Variants in BCL11A observed in about 807,000 individuals in gnomAD.
BCL11A encodes the protein B cell CLL/lymphoma 11A.
In BCL11A, 2 loss-of-function variants were observed where a neutral mutation model predicts 55.9. The observed-to-expected ratio is 0.04, with a 90% CI of 0.01 to 0.11. The LOEUF is 0.11. Among genes scored for constraint, BCL11A ranks in the 10% least tolerant of loss-of-function variants. The pLI, the probability that BCL11A is intolerant of heterozygous loss-of-function variation, is 1.00. For synonymous variants in BCL11A, 465 were observed against 473.4 expected (o/e 0.98, Z 0.23); for missense variants, 817 against 1,137.1 (o/e 0.72, Z 4.05).
At chr2:60,528,043 T>C (rs574064018) in intron 2 of BCL11A, 1 of 152,348 alleles carries the variant, frequency 6.6e-6, no homozygotes, top group Non-Finnish European at 1.5e-5. Context: ...GTTTCCAGCA[T>C]GCCTTCCGGA....
chr2:60,513,435 G>A (rs373632230), intron 2 of BCL11A, among the ~76,000 whole-genome samples: 18 of 152,140 alleles, frequency 1.2e-4, no homozygotes, highest in African/African-American at 3.6e-4. Flanking sequence ...AGAAACCAGC[G>A]CCCAGATCCC....
chr2:60,543,900 G>C (rs759678075), intron 2 of BCL11A: 2 of 151,976 alleles, frequency 1.3e-5, no homozygotes, highest in African/African-American at 4.8e-5. Flanking sequence ...TTTGGTTTTG[G>C]CTTCTCTAGG....
intron 2 of BCL11A, among the ~76,000 whole-genome samples, chr2:60,480,278 C>T (rs2104162019): frequency 6.6e-6 from 1 of 152,344 alleles, no homozygotes; most frequent in East Asian, 1.9e-4. Context: ...ATCCAAGTCT[C>T]CCTGTAATCA....
In BCL11A at chr2:60,459,373, A is replaced by G. The variant is rs1332016847; in HGVS notation, c.*1031T>C. On this transcript the variant is annotated 3_prime_UTR_variant, in exon 4 of 4. Transcript: ENST00000642384. Reference sequence around the variant, plus strand: ...AGGGCTTTTGCACATTACACATTCAATTTAATCATTGTTTAAAAAAAATAA... The same window carrying G: ...AGGGCTTTTGCACATTACACATTCAGTTTAATCATTGTTTAAAAAAAATAA... 2.9e-6 allele frequency: 3 copies of G among 1,019,766 alleles called. No homozygotes were observed. The African/African-American group carries it at 5.1e-5, about 17-fold the overall frequency. 63.2% of individuals were successfully genotyped at this position (1,019,766 alleles called of 1,614,324 possible). A position where few individuals can be genotyped will look rare whatever the true frequency, so the allele number is the denominator to read the frequency against.
At chr2:60,483,937 C>T (rs967530007) in intron 2 of BCL11A, 2 of 150,120 alleles carry the variant, frequency 1.3e-5, no homozygotes, top group Non-Finnish European at 3.0e-5. Context: ...ATGAGTTGGT[C>T]TCATAGCTTC....
intron 2 of BCL11A, among the ~76,000 whole-genome samples, chr2:60,480,213 C>T (rs1051092642): frequency 6.6e-6 from 1 of 152,154 alleles, no homozygotes; most frequent in Non-Finnish European, 1.5e-5. Flanking sequence ...AACACAAAGG[C>T]CTGTAAAGGA....
chr2:60,507,576 T>C (rs1268619249), intron 2 of BCL11A, among the ~76,000 whole-genome samples: 2 of 152,114 alleles, frequency 1.3e-5, no homozygotes, highest in Non-Finnish European at 2.9e-5. Context: ...GGAAGAACTG[T>C]TTCCACATGC....
intron 1 of BCL11A, among the ~76,000 whole-genome samples, chr2:60,552,887 CG>C (rs35121023): frequency 0.63 from 94,362 of 150,480 alleles, 30,357 homozygotes; most frequent in Middle Eastern, 0.77. Flanking sequence ...GCAAAACTGG[CG>C]GGGCGGGGGG....
At chr2:60,533,400 T>C (rs1212070234) in intron 2 of BCL11A, 3 of 152,220 alleles carry the variant, frequency 2.0e-5, no homozygotes, top group Non-Finnish European at 2.9e-5. Flanking sequence ...GAGAGATTTA[T>C]ACACTGGCTT....
chr2:60,461,898 A>G lies in BCL11A; in HGVS notation c.1014T>C (p.Pro338=). 1 of 1,614,106 alleles carries G rather than the reference A, an allele frequency of 6.2e-7. No individual in the cohort carries two copies. Among genetic ancestry groups the G allele is most frequent in the Non-Finnish European group, 8.5e-7 (1 of 1,179,976 alleles). Residue 338 remains proline, a synonymous_variant, in exon 4 of 4, where the codon CCT becomes CCC. Coordinates refer to ENST00000642384, the MANE Select transcript of BCL11A (RefSeq NM_022893.4). ...GGAATGGTTGCAGTAACCTTTGCAT[A>G]GGGCTGGGCCGGCCTGGGGACAGCG... is the stretch of plus-strand genomic sequence containing the variant. The part of the protein sequence containing the change: ...SPPLSPGRPS[P]MQRLLQPFQP...
At chr2:60,503,919 GA>G (rs1450199881) in intron 2 of BCL11A, among the ~76,000 whole-genome samples, 5 of 151,778 alleles carry the variant, frequency 3.3e-5, no homozygotes, top group African/African-American at 4.8e-5. Flanking sequence ...GTTGATTCTA[GA>G]AAAAAAAGAA....
chr2:60,481,008 C>T, intron 2 of BCL11A, among the ~76,000 whole-genome samples: 1 of 152,170 alleles, frequency 6.6e-6, no homozygotes, highest in East Asian at 1.9e-4. Flanking sequence ...AGGGGCATTA[C>T]AGGCTGGCTG....
rs1463253270 is a variant in BCL11A, at chr2:60,458,484, T to G, written c.*1920A>C. ...GTTTTGTACAAAAAAATCCTTGCAC[T>G]GTAGAAGCGAAAGCAATCATTCATT... On this transcript the variant is annotated 3_prime_UTR_variant, in exon 4 of 4. Coordinates refer to ENST00000642384, the MANE Select transcript of BCL11A (RefSeq NM_022893.4). The G allele has an allele frequency of 1.9e-6, 2 of 1,031,102 alleles. No individual in the cohort carries two copies. Among genetic ancestry groups the G allele is most frequent in the African/African-American group, 1.7e-5 (1 of 59,218 alleles). The allele number at this position is 1,031,102 out of a possible 1,614,324, so 63.9% of individuals were successfully genotyped here.
intron 2 of BCL11A, among the ~76,000 whole-genome samples, chr2:60,517,893 T>G (rs907337961): frequency 6.6e-6 from 1 of 152,268 alleles, no homozygotes; most frequent in African/African-American, 2.4e-5. Context: ...AGAGCTGTGC[T>G]TTCTTCTATG....
In BCL11A at chr2:60,468,963, G is replaced by A. The variant is rs1442962848; in HGVS notation, c.386-130C>T. On this transcript the variant is annotated intron_variant, in intron 2 of 3. Coordinates refer to ENST00000642384, the MANE Select transcript of BCL11A (RefSeq NM_022893.4). ...ACAACAGCCTTGCAGATAGTTAACAGGCCCAAGGCCTGAAACAAAAGAAGA... is the reference window on the plus strand; with the variant it reads ...ACAACAGCCTTGCAGATAGTTAACAAGCCCAAGGCCTGAAACAAAAGAAGA... 8.3e-6 allele frequency: 5 copies of A among 599,640 alleles called. No individual in the cohort carries two copies. The African/African-American group carries it at 9.9e-5, about 12-fold the overall frequency. The allele number at this position is 599,640 out of a possible 1,614,324, so 37.1% of individuals were successfully genotyped here.
intron 1 of BCL11A, among the ~76,000 whole-genome samples, chr2:60,548,439 T>C (rs944220775): frequency 6.6e-6 from 1 of 152,098 alleles, no homozygotes; most frequent in Non-Finnish European, 1.5e-5. Context: ...AAAGGTAATG[T>C]GGTTCAAAAC....
At chr2:60,536,959 A>G (rs1669694200) in intron 2 of BCL11A, 1 of 152,232 alleles carries the variant, frequency 6.6e-6, no homozygotes, top group South Asian at 2.1e-4. Flanking sequence ...TATTGTACAA[A>G]CAAGTACGTG....
intron 3 of BCL11A, among the ~76,000 whole-genome samples, chr2:60,463,934 A>T (rs961344328): frequency 2.0e-5 from 3 of 152,140 alleles, no homozygotes; most frequent in Non-Finnish European, 4.4e-5. Flanking sequence ...AAAAAAAAAA[A>T]AATCTACCAG....
At chr2:60,505,934 G>C (rs1462774480) in intron 2 of BCL11A, among the ~76,000 whole-genome samples, 1 of 152,204 alleles carries the variant, frequency 6.6e-6, no homozygotes, top group Non-Finnish European at 1.5e-5. Context: ...GCCCCACCTG[G>C]TTCGTCTGCC....
Sources: gnomAD v4.1 joint callset for allele counts (sites outside exome capture counted in the v4.1 genomes callset) on GRCh38, gnomAD v4.1.1 for gene constraint, MANE v1.5 for transcripts, NCBI Gene and HGNC (gene_info 2026-07-23, HGNC 2026-07-21) for gene names.